TRMT9B: variants seen among roughly 807,000 people sequenced by gnomAD.
The protein encoded by TRMT9B is probable tRNA methyltransferase 9B.
Under a neutral mutation model 11.5 loss-of-function variants are expected in TRMT9B, and 16 were observed. The ratio of observed to expected loss-of-function variants is 1.39; its 90% CI spans 0.94 to 2.11. The LOEUF (loss-of-function observed/expected upper bound fraction) is 2.11, where lower values mean the gene tolerates loss of function less well. Ranked by LOEUF, TRMT9B falls within the 30% of genes most tolerant of loss-of-function variation. The probability of loss-of-function intolerance (pLI) is 0.00; values close to 1 mark genes in which losing one functional copy is unlikely to be tolerated. For synonymous variants in TRMT9B, 274 were observed against 192.4 expected (o/e 1.42, Z -3.51); for missense variants, 941 against 553.8 (o/e 1.70, Z -7.02).
At chr8:13,000,504 CA>C (rs1224587369) in intron 2 of TRMT9B, among the ~76,000 whole-genome samples, 3 of 152,150 alleles carry the variant, frequency 2.0e-5, no homozygotes, top group African/African-American at 7.2e-5. Flanking sequence ...AGGGAAGGAA[CA>C]AAGATGATTC....
intron 1 of TRMT9B, among the ~76,000 whole-genome samples, chr8:12,976,148 A>G (rs1167964792): frequency 6.6e-6 from 1 of 152,146 alleles, no homozygotes; most frequent in Non-Finnish European, 1.5e-5. Flanking sequence ...TCGGACCAGG[A>G]CCCAGTGCCA....
intron 3 of TRMT9B, chr8:13,006,788 A>C (rs2128890793): frequency 4.3e-6 from 2 of 466,316 alleles, no homozygotes; most frequent in Non-Finnish European, 6.3e-6. Flanking sequence ...CCTGCCTCAG[A>C]CTCCCAAATA....
chr8:13,021,850 G>A lies in TRMT9B; in HGVS notation c.1171G>A (p.Asp391Asn), dbSNP rs1446608807. 1.2e-6 allele frequency: 2 copies of A among 1,613,846 alleles called. No homozygotes were observed. The highest frequency in any genetic ancestry group is 1.7e-6 in the Non-Finnish European group (2 of 1,179,834). Reference sequence around the variant, plus strand: ...TGATTCCACAGATTTCAACCCAGATGATACAATGTCTGTCGAAGATCCACA... The same window carrying A: ...TGATTCCACAGATTTCAACCCAGATAATACAATGTCTGTCGAAGATCCACA... ...AVDSTDFNPDDTMSVEDPQTD... is the reference protein window; with the variant it reads ...AVDSTDFNPDNTMSVEDPQTD... Residue 391 changes from aspartate to asparagine, a missense_variant, in exon 5 of 5, where the codon GAT (aspartate) becomes AAT (asparagine). By Grantham distance (23) the Asp-to-Asn change is conservative (BLOSUM62 1). Coordinates refer to ENST00000524591, the MANE Select transcript of TRMT9B (RefSeq NM_020844.3).
At chr8:12,960,729 G>A (rs1375639708) in intron 1 of TRMT9B, among the ~76,000 whole-genome samples, 1 of 152,230 alleles carries the variant, frequency 6.6e-6, no homozygotes, top group Non-Finnish European at 1.5e-5. Flanking sequence ...AATGCTGTGT[G>A]ATTCCAGCTA....
Position 12,996,936 on chromosome 8 carries a change from C to CTTTATTTTATTTTAT in TRMT9B, c.-2+5964_-2+5978dup, listed in dbSNP as rs374171740. On this transcript the variant is annotated intron_variant, in intron 2 of 4. Transcript: ENST00000524591. ...TTTGTTTTATCTGTTTTTGTACCTT[C>CTTTATTTTATTTTAT]TTTATTTTATTTTATTTTATTTTAT... Among the ~76,000 whole-genome samples the CTTTATTTTATTTTAT allele has an allele frequency of 2.3e-4, 30 of 128,250 alleles. No homozygotes were observed. The East Asian group carries it at 2.9e-3, about 13-fold the overall frequency. 84.1% of individuals were successfully genotyped at this position (128,250 alleles called of 152,430 possible).
At chr8:12,977,197 C>A (rs2460347) in intron 1 of TRMT9B, among the ~76,000 whole-genome samples, 10,397 of 152,278 alleles carry the variant, frequency 0.068, 410 homozygotes, top group Non-Finnish European at 0.083. Context: ...GGCTGATTCC[C>A]TTGAAGCTTT....
chr8:12,992,057 ACCAAAGAGT>A (rs1272560126), intron 2 of TRMT9B, among the ~76,000 whole-genome samples: 1 of 152,172 alleles, frequency 6.6e-6, no homozygotes, highest in East Asian at 1.9e-4. Flanking sequence ...AGGATTTATA[ACCAAAGAGT>A]CAAGGACCAG....
chr8:12,961,351 A>G (rs576711436), intron 1 of TRMT9B, among the ~76,000 whole-genome samples: 1 of 152,126 alleles, frequency 6.6e-6, no homozygotes, highest in Non-Finnish European at 1.5e-5. Context: ...TAAAAAAATC[A>G]TATTTTTTTT....
chr8:12,965,777 C>G (rs1179058158), intron 1 of TRMT9B, among the ~76,000 whole-genome samples: 2 of 152,096 alleles, frequency 1.3e-5, no homozygotes, highest in South Asian at 2.1e-4. Context: ...TGTGGGGAGA[C>G]TGAGGCAGGC....
intron 2 of TRMT9B, among the ~76,000 whole-genome samples, chr8:13,005,279 C>G (rs548273196): frequency 6.6e-6 from 1 of 151,828 alleles, no homozygotes; most frequent in African/African-American, 2.4e-5. Context: ...AGGATGGTTA[C>G]GAGAGGCTGC....
At chr8:13,011,503 T>C (rs1249268080) in intron 3 of TRMT9B, 1 of 972,012 alleles carries the variant, frequency 1.0e-6, no homozygotes, top group Admixed American at 6.1e-5. Context: ...TAAGTACAAA[T>C]ATAGGCTCTA....
At chr8:13,003,360 G>T (rs1429076853) in intron 2 of TRMT9B, among the ~76,000 whole-genome samples, 4 of 152,160 alleles carry the variant, frequency 2.6e-5, no homozygotes, top group African/African-American at 9.7e-5. Context: ...ACAGGGTTAA[G>T]CCCAAAACGG....
chr8:13,016,695 T>C (rs1414986213), intron 4 of TRMT9B, among the ~76,000 whole-genome samples: 1 of 151,764 alleles, frequency 6.6e-6, no homozygotes, highest in Non-Finnish European at 1.5e-5. Flanking sequence ...CGCATTAACA[T>C]AGGAGCAATC....
chr8:13,008,955 C>G (rs1042364465), intron 3 of TRMT9B, among the ~76,000 whole-genome samples: 9 of 152,076 alleles, frequency 5.9e-5, no homozygotes, highest in African/African-American at 1.7e-4. Context: ...GTGTCGATCT[C>G]CTGACTTTGT....
In TRMT9B at chr8:13,024,417, T is replaced by C. The variant is rs947160930; in HGVS notation, c.*2373T>C. 3 of 167,140 alleles carry C rather than the reference T, an allele frequency of 1.8e-5. No individual in the cohort carries two copies. Among genetic ancestry groups the C allele is most frequent in the African/African-American group, 7.2e-5 (3 of 41,468 alleles). The allele number at this position is 167,140 out of a possible 1,614,324, so 10.4% of individuals were successfully genotyped here. A position where few individuals can be genotyped will look rare whatever the true frequency, so the allele number is the denominator to read the frequency against. On this transcript the variant is annotated 3_prime_UTR_variant, in exon 5 of 5. Coordinates refer to ENST00000524591, the MANE Select transcript of TRMT9B (RefSeq NM_020844.3). ...TTTCCTTGGTAAAAAGAAAAGATTC[T>C]CAGAGTCAAAATGGTCTTACAACTC...
rs79681477 is a variant in TRMT9B, at chr8:13,023,199, T to A, written c.*1155T>A. The A allele has an allele frequency of 6.0e-6, 1 of 167,078 alleles. No individual in the cohort carries two copies. The highest frequency in any genetic ancestry group is 2.4e-5 in the African/African-American group (1 of 41,424). 10.3% of individuals were successfully genotyped at this position (167,078 alleles called of 1,614,324 possible). ...ATCCAAGACCAAGATTGACTAATGA[T>A]GAGTCTGCATCAAGAACTAGGCATT... On this transcript the variant is annotated 3_prime_UTR_variant, in exon 5 of 5. Coordinates refer to ENST00000524591, the MANE Select transcript of TRMT9B (RefSeq NM_020844.3).
At chr8:12,977,799 G>GGGGGC (rs1804694326) in intron 1 of TRMT9B, among the ~76,000 whole-genome samples, 1 of 151,922 alleles carries the variant, frequency 6.6e-6, no homozygotes, top group Non-Finnish European at 1.5e-5. Context: ...AGGATGGCTT[G>GGGGGC]AGGCCAGGAG....
intron 1 of TRMT9B, among the ~76,000 whole-genome samples, chr8:12,989,010 T>C (rs1018108535): frequency 1.3e-5 from 2 of 152,162 alleles, no homozygotes; most frequent in African/African-American, 4.8e-5. Context: ...CCTAGTGCCT[T>C]ACATCTGCCA....
intron 1 of TRMT9B, among the ~76,000 whole-genome samples, chr8:12,975,564 G>A (rs1043211431): frequency 3.3e-5 from 5 of 151,846 alleles, no homozygotes; most frequent in Non-Finnish European, 7.4e-5. Flanking sequence ...TGGCGAAACC[G>A]AGTCTCTATT....
Sources: gnomAD v4.1 joint callset for allele counts (sites outside exome capture counted in the v4.1 genomes callset) on GRCh38, gnomAD v4.1.1 for gene constraint, MANE v1.5 for transcripts, NCBI Gene and HGNC (gene_info 2026-07-23, HGNC 2026-07-21) for gene names.